The following TANC2 variants were observed in gnomAD, a reference collection of about 807,000 sequenced individuals.
The protein encoded by TANC2 is tetratricopeptide repeat, ankyrin repeat and coiled-coil containing 2.
In TANC2, 26 loss-of-function variants were observed where a neutral mutation model predicts 210.5. That is an observed-to-expected ratio of 0.12 (90% CI 0.09 to 0.17). TANC2 has a LOEUF of 0.17. Among genes scored for constraint, TANC2 ranks in the 10% least tolerant of loss-of-function variants. The probability of loss-of-function intolerance (pLI) is 1.00; values close to 1 mark genes in which losing one functional copy is unlikely to be tolerated. For synonymous variants in TANC2, 931 were observed against 967.1 expected (o/e 0.96, Z 0.69); for missense variants, 2,129 against 2,608.9 (o/e 0.82, Z 4.01).
At chr17:63,155,529 G>C (rs1208914237) in intron 5 of TANC2, among the ~76,000 whole-genome samples, 20 of 152,130 alleles carry the variant, frequency 1.3e-4, no homozygotes, top group Non-Finnish European at 4.4e-5. Flanking sequence ...CTTTGACACA[G>C]ATAATGGTAG....
At chr17:63,350,084 CAAT>C (rs1056824354) in intron 12 of TANC2, among the ~76,000 whole-genome samples, 6 of 152,266 alleles carry the variant, frequency 3.9e-5, no homozygotes, top group Non-Finnish European at 8.8e-5. Flanking sequence ...AGGAGAAAAA[CAAT>C]AAGGGCTTAT....
chr17:63,222,115 C>G (rs944626123), intron 7 of TANC2, among the ~76,000 whole-genome samples: 1 of 152,116 alleles, frequency 6.6e-6, no homozygotes, highest in African/African-American at 2.4e-5. Flanking sequence ...TGGTGAAGGC[C>G]AACTTCCTGT....
chr17:63,280,273 A>G (rs1243770515), intron 9 of TANC2, among the ~76,000 whole-genome samples: 1 of 152,050 alleles, frequency 6.6e-6, no homozygotes, highest in Non-Finnish European at 1.5e-5. Flanking sequence ...AATTTCACAG[A>G]TTTGCCAAAT....
intron 26 of TANC2, among the ~76,000 whole-genome samples, chr17:63,416,056 TC>T (rs1322130031): frequency 1.3e-5 from 2 of 152,186 alleles, no homozygotes; most frequent in African/African-American, 4.8e-5. Context: ...TCAGGTATAT[TC>T]CCTTATCATT....
intron 2 of TANC2, among the ~76,000 whole-genome samples, chr17:63,038,122 A>T (rs1401974028): frequency 1.3e-5 from 2 of 152,172 alleles, no homozygotes; most frequent in African/African-American, 4.8e-5. Flanking sequence ...GGGGGGAAAC[A>T]TTGCTTTTCA....
chr17:63,146,481 T>C (rs1046085136), intron 4 of TANC2, among the ~76,000 whole-genome samples: 2 of 152,198 alleles, frequency 1.3e-5, no homozygotes, highest in African/African-American at 2.4e-5. Context: ...CTAAATATAC[T>C]TTATAATCTC....
intron 7 of TANC2, among the ~76,000 whole-genome samples, chr17:63,206,479 CAA>C (rs1194912449): frequency 2.0e-5 from 3 of 151,970 alleles, no homozygotes; most frequent in Non-Finnish European, 4.4e-5. Flanking sequence ...ACTGGACAAA[CAA>C]AATATGATAT....
chr17:63,363,906 G>A (rs1194047142), intron 14 of TANC2, among the ~76,000 whole-genome samples: 1 of 152,192 alleles, frequency 6.6e-6, no homozygotes, highest in Non-Finnish European at 1.5e-5. Flanking sequence ...TCTTTTCAGA[G>A]TCTAGACATT....
At chr17:63,085,383 C>T (rs2036921884) in intron 3 of TANC2, among the ~76,000 whole-genome samples, 1 of 152,042 alleles carries the variant, frequency 6.6e-6, no homozygotes, top group Admixed American at 6.6e-5. Flanking sequence ...TTGCCCTTCA[C>T]AGTTTCTATT....
At position 63,421,857 on chromosome 17, in the gene TANC2, T is replaced by C. The variant is rs1253466605; in HGVS notation, c.6127T>C (p.Tyr2043His). ...TCGGACTCTACCTGTGGCTCAGGCA[T>C]ACCAGGACAACCTGTACAGGCAGCT... The change falls in exon 28 of 28, where the codon TAC (tyrosine) becomes CAC (histidine). Residue 2043 changes from tyrosine (Y) to histidine (H), a missense_variant. By Grantham distance (83) the Tyr-to-His change is moderately conservative. Transcript: ENST00000689528. This position sits in a 1 kb window ranked among gnomAD's most constrained non-coding sequence, Gnocchi z 6.9. The C allele has an allele frequency of 3.1e-6, 5 of 1,613,892 alleles. No individual in the cohort carries two copies. The East Asian group carries it at 6.7e-5, about 22-fold the overall frequency.
intron 11 of TANC2, chr17:63,339,107 A>G (rs1042712165): frequency 2.6e-5 from 4 of 152,264 alleles, no homozygotes; most frequent in African/African-American, 9.7e-5. Context: ...GATCCTTAAG[A>G]ATGATGGCAG....
At chr17:63,210,295 A>G (rs1401023798) in intron 7 of TANC2, among the ~76,000 whole-genome samples, 1 of 152,164 alleles carries the variant, frequency 6.6e-6, no homozygotes, top group Non-Finnish European at 1.5e-5. Flanking sequence ...TTTTGGTTCC[A>G]CAATTTCTCT....
At chr17:63,294,538 A>T (rs569175471) in intron 9 of TANC2, among the ~76,000 whole-genome samples, 7 of 152,214 alleles carry the variant, frequency 4.6e-5, no homozygotes, top group African/African-American at 1.4e-4. Context: ...CCCTATTAGA[A>T]TGCTTTTCCT....
At chr17:63,333,815 A>C (rs539570206) in intron 11 of TANC2, among the ~76,000 whole-genome samples, 1 of 152,226 alleles carries the variant, frequency 6.6e-6, no homozygotes, top group Non-Finnish European at 1.5e-5. Context: ...ATCAGTCAGC[A>C]GCCATCAACA....
chr17:63,028,649 C>G (rs963117532), intron 2 of TANC2, among the ~76,000 whole-genome samples: 2 of 152,094 alleles, frequency 1.3e-5, no homozygotes, highest in African/African-American at 4.8e-5. Flanking sequence ...TTCATCTCCA[C>G]TTTTCAGGAA....
intron 5 of TANC2, among the ~76,000 whole-genome samples, chr17:63,180,760 C>A (rs762382895): frequency 5.3e-4 from 81 of 152,198 alleles, no homozygotes; most frequent in Admixed American, 1.4e-3. Context: ...CATGGTGGCT[C>A]ACACCTGTAA....
In TANC2 at chr17:63,418,024, G is replaced by A. The variant is rs1465256816; in HGVS notation, c.4168-283G>A. Among the ~76,000 whole-genome samples, 8 of 152,170 alleles carry A rather than the reference G, an allele frequency of 5.3e-5. No homozygotes were observed. The highest frequency in any genetic ancestry group is 1.9e-4 in the East Asian group (1 of 5,198). ...TGGAAAGGGTTGGTGTTTGGCTTCC[G>A]GGCTGAGAACTTTATTAGAAAGGCA... is the stretch of plus-strand genomic sequence containing the variant. On this transcript the variant is annotated intron_variant, in intron 26 of 27. Coordinates refer to ENST00000689528, the Ensembl canonical transcript of TANC2. This position sits in a 1 kb window ranked among gnomAD's most constrained non-coding sequence, Gnocchi z 4.6.
At chr17:63,141,848 C>A (rs1040605103) in intron 4 of TANC2, among the ~76,000 whole-genome samples, 1 of 151,916 alleles carries the variant, frequency 6.6e-6, no homozygotes, top group African/African-American at 2.4e-5. Flanking sequence ...AAGATCAGAG[C>A]AAAATTAAAA....
At chr17:63,136,124 A>G (rs1386956611) in intron 4 of TANC2, among the ~76,000 whole-genome samples, 1 of 152,196 alleles carries the variant, frequency 6.6e-6, no homozygotes, top group Non-Finnish European at 1.5e-5. Context: ...TTACAGATAA[A>G]TGAAGATTTA....
Sources: gnomAD v4.1 joint callset for allele counts (sites outside exome capture counted in the v4.1 genomes callset) on GRCh38, gnomAD v4.1.1 for gene constraint, Gnocchi (gnomAD v3.1) non-coding constraint, MANE v1.5 for transcripts, NCBI Gene and HGNC (gene_info 2026-07-23, HGNC 2026-07-21) for gene names.